Variants in MIGA1 observed in about 807,000 individuals in gnomAD.
The protein encoded by MIGA1 is family with sequence similarity 73, member A.
In MIGA1, 58 loss-of-function variants were observed where a neutral mutation model predicts 82.0. The ratio of observed to expected loss-of-function variants is 0.71; its 90% CI spans 0.57 to 0.88. The LOEUF (loss-of-function observed/expected upper bound fraction) is 0.88, where lower values mean the gene tolerates loss of function less well. MIGA1 is among the 40% of genes least tolerant of loss of function. The pLI is 0.00. For missense variants in MIGA1, 751 were observed against 749.1 expected, an observed-to-expected ratio of 1.00 and a Z score of -0.03; for synonymous variants, 249 against 253.6, an observed-to-expected ratio of 0.98 and a Z score of 0.17.
In MIGA1 at chr1:77,781,239, C is replaced by G. The variant is rs528156606; in HGVS notation, c.81+1503C>G. Among the ~76,000 whole-genome samples, 4 of 152,298 alleles carry G rather than the reference C, an allele frequency of 2.6e-5. No homozygotes were observed. In the East Asian group the frequency reaches 7.7e-4, roughly 29 times the overall value. On this transcript the variant is annotated intron_variant, in intron 1 of 15. Transcript: ENST00000370791. The stretch of plus-strand genomic sequence containing the variant: ...TTGTCATAATCTTTTAAGAATATCT[C>G]TGCAGCCAATTAAAGTGTTTGCTTT...
chr1:77,865,919 G>A (rs1685645978), intron 13 of MIGA1, among the ~76,000 whole-genome samples: 1 of 151,356 alleles, frequency 6.6e-6, no homozygotes, highest in East Asian at 1.9e-4. Flanking sequence ...TTTTTTGTTT[G>A]TTTGTTTGTT....
At chr1:77,833,337 C>T (rs185301287) in intron 7 of MIGA1, among the ~76,000 whole-genome samples, 15 of 152,242 alleles carry the variant, frequency 9.9e-5, no homozygotes, top group Middle Eastern at 3.4e-3. Context: ...ATGTGTAAGG[C>T]TCATAATCTT....
At position 77,877,992 on chromosome 1, in the gene MIGA1, A is replaced by G. The variant is rs1437798001; in HGVS notation, c.*2928A>G. 6.6e-6 allele frequency: 1 copy of G among 152,278 alleles called. No individual in the cohort carries two copies. Among genetic ancestry groups the G allele is most frequent in the Non-Finnish European group, 1.5e-5 (1 of 68,040 alleles). 9.4% of individuals were successfully genotyped at this position (152,278 alleles called of 1,614,324 possible). On this transcript the variant is annotated 3_prime_UTR_variant, in exon 16 of 16. Transcript: ENST00000370791. ...AGTGACCAAATAGAATTTTAGGACAATAAGTATAGGAAATATCTCTTTATC... is the reference window on the plus strand; with the variant it reads ...AGTGACCAAATAGAATTTTAGGACAGTAAGTATAGGAAATATCTCTTTATC...
chr1:77,817,104 G>A (rs1027665741), intron 7 of MIGA1, among the ~76,000 whole-genome samples: 1 of 152,030 alleles, frequency 6.6e-6, no homozygotes, highest in African/African-American at 2.4e-5. Context: ...TATTCATCGC[G>A]GATTTGGTTC....
chr1:77,809,754 G>T lies in MIGA1; in HGVS notation c.637+2653G>T, dbSNP rs79681275. ...ATAATTGGTTTTTATGTGCATAAATGTTTTTTTTTTTTTTTTGTACTATGA... is the reference window on the plus strand; with the variant it reads ...ATAATTGGTTTTTATGTGCATAAATTTTTTTTTTTTTTTTTTGTACTATGA... On this transcript the variant is annotated intron_variant, in intron 5 of 15. Transcript: ENST00000370791. 2.3e-4 allele frequency among the ~76,000 whole-genome samples: 31 copies of T among 136,158 alleles called. No homozygotes were observed. The East Asian group carries it at 5.7e-3, about 25-fold the overall frequency. The allele number at this position is 136,158 out of a possible 152,430, so 89.3% of individuals were successfully genotyped here.
intron 7 of MIGA1, among the ~76,000 whole-genome samples, chr1:77,820,631 T>C (rs914095787): frequency 6.6e-6 from 1 of 152,182 alleles, no homozygotes; most frequent in African/African-American, 2.4e-5. Context: ...GTTGTTGTTC[T>C]TATTCTACCT....
At chr1:77,789,493 A>G (rs1682326062) in intron 2 of MIGA1, among the ~76,000 whole-genome samples, 1 of 152,082 alleles carries the variant, frequency 6.6e-6, no homozygotes, top group Admixed American at 6.6e-5. Flanking sequence ...AATGGGTGTG[A>G]GCCACCGTGT....
At position 77,872,995 on chromosome 1, in the gene MIGA1, T is replaced by C. The variant is rs201842893; in HGVS notation, c.1564-9T>C. The C allele has an allele frequency of 3.1e-6, 5 of 1,613,836 alleles. No individual in the cohort carries two copies. The African/African-American group carries it at 6.7e-5, about 22-fold the overall frequency. On this transcript the variant is annotated splice_polypyrimidine_tract_variant and intron_variant, in intron 14 of 15. Coordinates refer to ENST00000370791, the MANE Select transcript of MIGA1 (RefSeq NM_198549.4). Reference sequence around the variant, plus strand: ...AGAAGTAACTTGATTCTCCTTTACTTCCCAGCAGATCCCAGATGGATTTTT... The same window carrying C: ...AGAAGTAACTTGATTCTCCTTTACTCCCCAGCAGATCCCAGATGGATTTTT...
intron 4 of MIGA1, among the ~76,000 whole-genome samples, chr1:77,805,231 G>A (rs989147690): frequency 2.6e-5 from 4 of 151,866 alleles, no homozygotes; most frequent in South Asian, 2.1e-4. Context: ...TCCCGACCTC[G>A]TGATTCACCT....
intron 5 of MIGA1, chr1:77,811,380 A>G: frequency 6.2e-7 from 1 of 1,606,398 alleles, no homozygotes; most frequent in Non-Finnish European, 8.5e-7. Flanking sequence ...CCTCTTCTTC[A>G]TCTTCTTCAA....
chr1:77,799,678 A>C (rs1161154583), intron 2 of MIGA1, among the ~76,000 whole-genome samples: 1 of 146,586 alleles, frequency 6.8e-6, no homozygotes, highest in Non-Finnish European at 1.5e-5. Context: ...TTTTTTTCCG[A>C]GTGAGTTTTG....
intron 2 of MIGA1, among the ~76,000 whole-genome samples, chr1:77,790,444 T>G (rs1682365032): frequency 6.6e-6 from 1 of 152,130 alleles, no homozygotes; most frequent in Non-Finnish European, 1.5e-5. Flanking sequence ...TTTTTTGTAT[T>G]TTTAGTAGAG....
chr1:77,783,809 C>T (rs917603174), intron 2 of MIGA1, among the ~76,000 whole-genome samples: 1 of 152,184 alleles, frequency 6.6e-6, no homozygotes, highest in African/African-American at 2.4e-5. Context: ...AACTCTACAA[C>T]TGTTTATCAA....
chr1:77,819,159 C>T (rs1483302955), intron 7 of MIGA1, among the ~76,000 whole-genome samples: 1 of 152,006 alleles, frequency 6.6e-6, no homozygotes, highest in African/African-American at 2.4e-5. Flanking sequence ...CCTATCATCC[C>T]TATTTTTCAG....
At chr1:77,820,963 G>A (rs1011277118) in intron 7 of MIGA1, among the ~76,000 whole-genome samples, 1 of 151,736 alleles carries the variant, frequency 6.6e-6, no homozygotes, top group African/African-American at 2.4e-5. Flanking sequence ...GTGAAACCTC[G>A]TCTCTACTAA....
rs191398014 is a variant in MIGA1 at position 77,817,541 on chromosome 1, T to G, written c.895+2310T>G. ...GTTGGCCTCCTGTTGCCCTGGAGATTCCATTTAATGTGAAGCTGTTATATT... is the reference window on the plus strand; with the variant it reads ...GTTGGCCTCCTGTTGCCCTGGAGATGCCATTTAATGTGAAGCTGTTATATT... On this transcript the variant is annotated intron_variant, in intron 7 of 15. Transcript: ENST00000370791. 2.6e-3 allele frequency among the ~76,000 whole-genome samples: 394 copies of G among 152,356 alleles called. 8 individuals are homozygous for G. Among genetic ancestry groups the G allele is most frequent in the South Asian group, 6.2e-4 (3 of 4,832 alleles).
chr1:77,813,798 G>A lies in MIGA1; in HGVS notation c.702G>A (p.Gln234=), dbSNP rs1485978194. 3.1e-6 allele frequency: 5 copies of A among 1,614,110 alleles called. No homozygotes were observed. Among genetic ancestry groups the A allele is most frequent in the East Asian group, 2.2e-5 (1 of 44,900 alleles). Residue 234 remains glutamine (Q), a synonymous_variant, in exon 6 of 16, where the codon CAG becomes CAA. Coordinates refer to ENST00000370791, the MANE Select transcript of MIGA1 (RefSeq NM_198549.4). ...AAGCTCTGACCTTTCGCAATAGACA[G>A]GCTGAAGATGAAGCCTGTGGTTCCA...
At chr1:77,816,706 A>C (rs1262919901) in intron 7 of MIGA1, among the ~76,000 whole-genome samples, 1 of 152,232 alleles carries the variant, frequency 6.6e-6, no homozygotes, top group Admixed American at 6.5e-5. Flanking sequence ...CTAGAAAAAA[A>C]GTAGGCAGTA....
At chr1:77,859,959 G>A (rs540956195) in intron 10 of MIGA1, 81 bp from the exon 11 acceptor site, 6 of 863,844 alleles carry the variant, frequency 6.9e-6, no homozygotes, top group South Asian at 1.6e-5. Flanking sequence ...ACTGTTTTAG[G>A]ATTATTTGTG....
Sources: gnomAD v4.1 joint callset for allele counts (sites outside exome capture counted in the v4.1 genomes callset) on GRCh38, gnomAD v4.1.1 for gene constraint, MANE v1.5 for transcripts, NCBI Gene and HGNC (gene_info 2026-07-23, HGNC 2026-07-21) for gene names.